Variants in MINK1 observed in about 807,000 individuals in gnomAD.
The protein encoded by MINK1 is misshapen like kinase 1, also known as misshapen-like kinase 1.
In MINK1, 46 loss-of-function variants were observed where a neutral mutation model predicts 178.4. The ratio of observed to expected loss-of-function variants is 0.26; its 90% CI spans 0.20 to 0.33. The LOEUF is 0.33. MINK1 is among the 10% of genes least tolerant of loss of function. The pLI, the probability that MINK1 is intolerant of heterozygous loss-of-function variation, is 1.00. For synonymous variants in MINK1, 797 were observed against 709.7 expected, an observed-to-expected ratio of 1.12 and a Z score of -1.96; for missense variants, 1,366 against 1,814.9, an observed-to-expected ratio of 0.75 and a Z score of 4.49.
intron 1 of MINK1, among the ~76,000 whole-genome samples, chr17:4,848,989 T>G (rs1911499638): frequency 6.6e-6 from 1 of 152,088 alleles, no homozygotes; most frequent in South Asian, 2.1e-4. Flanking sequence ...TCTTTAACAT[T>G]CCTCTCCCCC....
intron 1 of MINK1, among the ~76,000 whole-genome samples, chr17:4,850,741 G>C (rs1433177345): frequency 6.6e-6 from 1 of 152,082 alleles, no homozygotes; most frequent in East Asian, 1.9e-4. Flanking sequence ...TTGGGTTTGT[G>C]GACACCTGAC....
Position 4,885,973 on chromosome 17 carries a change from C to T in MINK1, c.694+8C>T, listed in dbSNP as rs1460654434. 2 of 1,613,634 alleles carry T rather than the reference C, an allele frequency of 1.2e-6. No individual in the cohort carries two copies. Among genetic ancestry groups the T allele is most frequent in the East Asian group, 2.2e-5 (1 of 44,880 alleles). On this transcript the variant is annotated splice_region_variant and intron_variant, in intron 8 of 31. Transcript: ENST00000355280. This position sits in a 1 kb window ranked among gnomAD's most constrained non-coding sequence, Gnocchi z 5.0. Reference sequence around the variant, plus strand: ...TGGCAGAGGGAGCCCCCCGTAAGTTCTGAGTCTGCCGGGAGTGGGAGGGGA... The same window carrying T: ...TGGCAGAGGGAGCCCCCCGTAAGTTTTGAGTCTGCCGGGAGTGGGAGGGGA...
rs376439674 is a variant in MINK1, at chr17:4,890,862, A to C, written c.1567-89A>C. On this transcript the variant is annotated intron_variant, in intron 14 of 31. Transcript: ENST00000355280. ...GAAAGGAGCACACAGCACAGAGCAT[A>C]GGGCGGGAGTAGTTAGGGCAGGTGG... 15 of 1,530,092 alleles carry C rather than the reference A, an allele frequency of 9.8e-6. No individual in the cohort carries two copies. The African/African-American group carries it at 1.8e-4, about 18-fold the overall frequency. 94.8% of individuals were successfully genotyped at this position (1,530,092 alleles called of 1,614,324 possible).
chr17:4,870,282 G>T (rs988563768), intron 1 of MINK1, among the ~76,000 whole-genome samples: 1 of 146,980 alleles, frequency 6.8e-6, no homozygotes, highest in Non-Finnish European at 1.5e-5. Context: ...ATGTTGCCCA[G>T]GCATGTCTTG....
chr17:4,887,991 A>G lies in MINK1; in HGVS notation c.1230+201A>G, dbSNP rs1208519629. 6.6e-6 allele frequency among the ~76,000 whole-genome samples: 1 copy of G among 152,174 alleles called. No homozygotes were observed. Among genetic ancestry groups the G allele is most frequent in the African/African-American group, 2.4e-5 (1 of 41,442 alleles). Reference sequence around the variant, plus strand: ...ATCACTTTGGGAGGCTGAGGTGGGTAGATCACCTGAGGTCAGGAGTTTGAG... The same window carrying G: ...ATCACTTTGGGAGGCTGAGGTGGGTGGATCACCTGAGGTCAGGAGTTTGAG... On this transcript the variant is annotated intron_variant, in intron 12 of 31. Transcript: ENST00000355280. The surrounding 1 kb of genome is among the most constrained non-coding windows in gnomAD (Gnocchi z 7.6).
At chr17:4,846,699 C>G (rs945322766) in intron 1 of MINK1, among the ~76,000 whole-genome samples, 1 of 152,160 alleles carries the variant, frequency 6.6e-6, no homozygotes, top group Non-Finnish European at 1.5e-5. Flanking sequence ...GAGACAGGGT[C>G]GTGCTCTGTT....
chr17:4,868,846 C>T, intron 1 of MINK1: 1 of 340,796 alleles, frequency 2.9e-6, no homozygotes, highest in Non-Finnish European at 6.1e-6. Flanking sequence ...ACCTCCCAGG[C>T]TCAAGCAGTC....
At chr17:4,861,557 G>A in intron 1 of MINK1, 1 of 172,734 alleles carries the variant, frequency 5.8e-6, no homozygotes. Context: ...GTGGATTGCA[G>A]TGGCACGATC....
Position 4,833,438 on chromosome 17 carries a change from C to G in MINK1, c.-146C>G. 1 of 611,694 alleles carries G rather than the reference C, an allele frequency of 1.6e-6. No individual in the cohort carries two copies. The highest frequency in any genetic ancestry group is 2.7e-6 in the Non-Finnish European group (1 of 364,872). 37.9% of individuals were successfully genotyped at this position (611,694 alleles called of 1,614,324 possible). A position where few individuals can be genotyped will look rare whatever the true frequency, so the allele number is the denominator to read the frequency against. On this transcript the variant is annotated 5_prime_UTR_variant, in exon 1 of 32. Transcript: ENST00000355280. This position sits in a 1 kb window ranked among gnomAD's most constrained non-coding sequence, Gnocchi z 4.8. ...GTCAGTCGGTGGGTCGGTCCTCGCG[C>G]CGGCCCTCCCCCTCCCCGGTCTCCG...
chr17:4,871,847 C>G (rs771748728), intron 1 of MINK1, among the ~76,000 whole-genome samples: 1 of 152,160 alleles, frequency 6.6e-6, no homozygotes, highest in Non-Finnish European at 1.5e-5. Context: ...GATTGTCCAT[C>G]CTTTTCTAGA....
In MINK1 at chr17:4,889,845, C is replaced by T. The variant is rs905916815; in HGVS notation, c.1347+82C>T. The T allele has an allele frequency of 8.3e-6, 8 of 960,126 alleles. No homozygotes were observed. In the African/African-American group the frequency reaches 1.3e-4, roughly 16 times the overall value. The allele number at this position is 960,126 out of a possible 1,614,324, so 59.5% of individuals were successfully genotyped here. A position where few individuals can be genotyped will look rare whatever the true frequency, so the allele number is the denominator to read the frequency against. ...GCCCCTGCTCCCCGTGCCCTTCCCC[C>T]TTCTCTCCCCCACCCCCAGATTCCT... On this transcript the variant is annotated intron_variant, in intron 13 of 31. Coordinates refer to ENST00000355280, the MANE Select transcript of MINK1 (RefSeq NM_153827.5).
At position 4,833,361 on chromosome 17, in the gene MINK1, T is replaced by G; in HGVS notation, c.-223T>G. Reference sequence around the variant, plus strand: ...TCCCAGTGCGCGGTCGCTCCGCGCCTGCGCAGGAGAGGTGGTAGGCTCGGG... The same window carrying G: ...TCCCAGTGCGCGGTCGCTCCGCGCCGGCGCAGGAGAGGTGGTAGGCTCGGG... On this transcript the variant is annotated 5_prime_UTR_variant, in exon 1 of 32. Transcript: ENST00000355280. This position sits in a 1 kb window ranked among gnomAD's most constrained non-coding sequence, Gnocchi z 4.8. 2.4e-6 allele frequency: 1 copy of G among 419,262 alleles called. No homozygotes were observed. 26.0% of individuals were successfully genotyped at this position (419,262 alleles called of 1,614,324 possible).
intron 1 of MINK1, among the ~76,000 whole-genome samples, chr17:4,874,158 T>A (rs1966956254): frequency 6.6e-6 from 1 of 152,244 alleles, no homozygotes; most frequent in Non-Finnish European, 1.5e-5. Flanking sequence ...GGCCAATCTA[T>A]AAAATTATAA....
chr17:4,871,034 C>A, intron 1 of MINK1: 1 of 335,368 alleles, frequency 3.0e-6, no homozygotes, highest in Non-Finnish European at 6.2e-6. Context: ...TTTAGACTTG[C>A]CTATTCTGGA....
Position 4,896,914 on chromosome 17 carries a change from G to C in MINK1, c.3915+101G>C, listed in dbSNP as rs1423012534. On this transcript the variant is annotated intron_variant, in intron 31 of 31. Transcript: ENST00000355280. This position sits in a 1 kb window ranked among gnomAD's most constrained non-coding sequence, Gnocchi z 4.6. ...GAGAGGATGGTGGTGGTGGCTTCCT[G>C]AAAGCGGGCCCCTCTGGGAGCTCAG... is the stretch of plus-strand genomic sequence containing the variant. 7.0e-7 allele frequency: 1 copy of C among 1,436,710 alleles called. No individual in the cohort carries two copies. Among genetic ancestry groups the C allele is most frequent in the African/African-American group, 1.4e-5 (1 of 69,698 alleles). 89.0% of individuals were successfully genotyped at this position (1,436,710 alleles called of 1,614,324 possible).
Position 4,839,232 on chromosome 17 carries a change from C to T in MINK1, c.57+5592C>T, listed in dbSNP as rs549753787. Among the ~76,000 whole-genome samples the T allele has an allele frequency of 7.9e-5, 12 of 152,300 alleles. No homozygotes were observed. The South Asian group carries it at 1.2e-3, about 16-fold the overall frequency. ...TGCTGGGATTACAGGCGCGAGCCACCGTGCCCGGCCTAGACTCTTTTTCTT... is the reference window on the plus strand; with the variant it reads ...TGCTGGGATTACAGGCGCGAGCCACTGTGCCCGGCCTAGACTCTTTTTCTT... On this transcript the variant is annotated intron_variant, in intron 1 of 31. Coordinates refer to ENST00000355280, the MANE Select transcript of MINK1 (RefSeq NM_153827.5).
intron 1 of MINK1, among the ~76,000 whole-genome samples, chr17:4,846,476 G>A (rs1911048844): frequency 6.6e-6 from 1 of 152,048 alleles, no homozygotes; most frequent in African/African-American, 2.4e-5. Flanking sequence ...GTTTTCCTTG[G>A]ACTGAGTCTC....
intron 1 of MINK1, among the ~76,000 whole-genome samples, chr17:4,873,544 T>G (rs1481655692): frequency 6.7e-6 from 1 of 149,364 alleles, no homozygotes; most frequent in African/African-American, 2.5e-5. Flanking sequence ...TCCTTTAACA[T>G]CCCCAATTCA....
At chr17:4,868,855 T>C (rs926071336) in intron 1 of MINK1, 1 of 333,460 alleles carries the variant, frequency 3.0e-6, no homozygotes, top group South Asian at 2.1e-5. Context: ...GCTCAAGCAG[T>C]CCTCCCACCT....
Sources: allele counts gnomAD v4.1 joint callset (sites outside exome capture counted in the v4.1 genomes callset), GRCh38; gene constraint gnomAD v4.1.1; non-coding constraint Gnocchi (gnomAD v3.1); transcripts MANE v1.5; gene names NCBI Gene and HGNC (gene_info 2026-07-23, HGNC 2026-07-21).